The following SATL1 variants were observed in gnomAD, a reference collection of about 807,000 sequenced individuals.
The protein encoded by SATL1 is spermidine/spermine N(1)-acetyltransferase-like protein 1.
In SATL1, 47 loss-of-function variants were observed where a neutral mutation model predicts 51.8. The ratio of observed to expected loss-of-function variants is 0.91; its 90% confidence interval spans 0.72 to 1.16. The LOEUF (loss-of-function observed/expected upper bound fraction) is 1.16. SATL1 is among the 50% of genes most tolerant of loss of function. The pLI is 0.00. For missense variants in SATL1, 520 were observed against 526.4 expected, an observed-to-expected ratio of 0.99 and a Z score of 0.12; for synonymous variants, 176 against 182.4, an observed-to-expected ratio of 0.97 and a Z score of 0.28.
In SATL1 at chrX:85,108,123, G is replaced by A. The variant is rs757074166; in HGVS notation, c.846C>T (p.Ser282=). 5 of 1,211,676 alleles carry A rather than the reference G, an allele frequency of 4.1e-6. No individual in the cohort carries two copies. The Admixed American group carries it at 1.1e-4, about 26-fold the overall frequency. The change falls in exon 3 of 8, where the codon AGC becomes AGT. Residue 282 remains serine, a synonymous_variant. Transcript: ENST00000644105. ...NQMDMNQWSA[S]LYEMNQVDMK... ...TGTCCACTTGGTTCATTTCATATAG[G>A]CTTGCACTCCATTGGTTCATGTCCA...
In SATL1 at chrX:85,112,201, A is replaced by C. The variant is rs753190992; in HGVS notation, c.-312-2921T>G. ...CCCTGTCTGTATTAAAAATACAAAA[A>C]ATTAGCCAGGCTTGGTGGTGGGTGC... On this transcript the variant is annotated intron_variant, in intron 2 of 7. Coordinates refer to ENST00000644105, the MANE Select transcript of SATL1 (RefSeq NM_001367857.2). Among the ~76,000 whole-genome samples, 8 of 110,453 alleles carry C rather than the reference A, an allele frequency of 7.2e-5. No individual in the cohort carries two copies. In the East Asian group the frequency reaches 2.0e-3, roughly 28 times the overall value.
chrX:85,145,319 G>A (rs1926207837), intron 2 of SATL1, among the ~76,000 whole-genome samples: 1 of 111,415 alleles, frequency 9.0e-6, no homozygotes, highest in African/African-American at 3.3e-5. Context: ...TCTTTCTCTT[G>A]TATATTGTAA....
intron 2 of SATL1, among the ~76,000 whole-genome samples, chrX:85,112,933 C>T (rs1378451456): frequency 9.0e-6 from 1 of 111,587 alleles, no homozygotes; most frequent in Non-Finnish European, 1.9e-5. Flanking sequence ...TAACATTTTC[C>T]CCATCAAGAG....
At chrX:85,187,310 A>G (rs1185278917) in intron 2 of SATL1, among the ~76,000 whole-genome samples, 1 of 111,365 alleles carries the variant, frequency 9.0e-6, no homozygotes, top group East Asian at 2.8e-4. Context: ...GATGCCCTTT[A>G]TTTATTTTTT....
chrX:85,227,633 C>T (rs1459412689), intron 1 of SATL1, among the ~76,000 whole-genome samples: 1 of 92,071 alleles, frequency 1.1e-5, no homozygotes, highest in Non-Finnish European at 2.4e-5. Flanking sequence ...GGGATGCAAT[C>T]GCAAAATACA....
At chrX:85,227,153 T>A (rs751339928) in intron 1 of SATL1, among the ~76,000 whole-genome samples, 86 of 111,544 alleles carry the variant, frequency 7.7e-4, no homozygotes, top group African/African-American at 2.7e-3. Context: ...ACGAACCTCA[T>A]CTGTGCTCTT....
chrX:85,181,755 C>T, intron 2 of SATL1, among the ~76,000 whole-genome samples: 1 of 111,465 alleles, frequency 9.0e-6, no homozygotes, highest in Non-Finnish European at 1.9e-5. Flanking sequence ...GGAATGTGAG[C>T]CATCTCTGTC....
chrX:85,195,148 C>T (rs1418878733), intron 2 of SATL1, among the ~76,000 whole-genome samples: 1 of 110,803 alleles, frequency 9.0e-6, no homozygotes, highest in Non-Finnish European at 1.9e-5. Flanking sequence ...AGGAAAAAGG[C>T]CTTAGCTATA....
chrX:85,167,353 CTT>C (rs1360759184), intron 2 of SATL1, among the ~76,000 whole-genome samples: 6 of 108,928 alleles, frequency 5.5e-5, no homozygotes, highest in Non-Finnish European at 1.1e-4. Context: ...CCCTAAATAA[CTT>C]ATACATGTAA....
intron 1 of SATL1, among the ~76,000 whole-genome samples, chrX:85,225,919 T>C (rs1371641068): frequency 9.0e-6 from 1 of 110,524 alleles, no homozygotes; most frequent in Non-Finnish European, 1.9e-5. Flanking sequence ...ACTGGCCTCA[T>C]AGCTTTCTGC....
At chrX:85,198,955 C>T in intron 2 of SATL1, among the ~76,000 whole-genome samples, 1 of 109,386 alleles carries the variant, frequency 9.1e-6, no homozygotes, top group Non-Finnish European at 1.9e-5. Context: ...TCCTCTGCCT[C>T]AGCCTCCAAG....
At chrX:85,166,142 A>G (rs1395965297) in intron 2 of SATL1, among the ~76,000 whole-genome samples, 1 of 111,763 alleles carries the variant, frequency 8.9e-6, no homozygotes, top group Non-Finnish European at 1.9e-5. Flanking sequence ...TGGATCAAAG[A>G]CTTAAATCTA....
chrX:85,235,133 CT>C (rs1434243547), intron 1 of SATL1, among the ~76,000 whole-genome samples: 2 of 111,124 alleles, frequency 1.8e-5, no homozygotes, highest in African/African-American at 6.5e-5. Flanking sequence ...AAGAACGTTT[CT>C]TAATGATAAA....
At chrX:85,135,408 G>A (rs1925926691) in intron 2 of SATL1, among the ~76,000 whole-genome samples, 1 of 111,316 alleles carries the variant, frequency 9.0e-6, no homozygotes, top group Non-Finnish European at 1.9e-5. Context: ...AATAATGGGT[G>A]TGTTATACTG....
Position 85,113,387 on chromosome X carries a change from G to A in SATL1, c.-312-4107C>T, listed in dbSNP as rs755943120. Reference sequence around the variant, plus strand: ...ATGCCTGCTAAGAGTTAGGTGCATGGGGTTGCTAGCTGATTTCAATATGTG... The same window carrying A: ...ATGCCTGCTAAGAGTTAGGTGCATGAGGTTGCTAGCTGATTTCAATATGTG... On this transcript the variant is annotated intron_variant, in intron 2 of 7. Coordinates refer to ENST00000644105, the MANE Select transcript of SATL1 (RefSeq NM_001367857.2). 2.7e-5 allele frequency among the ~76,000 whole-genome samples: 3 copies of A among 111,307 alleles called. No homozygotes were observed. In the Admixed American group the frequency reaches 2.9e-4, roughly 11 times the overall value.
chrX:85,199,103 T>A (rs1490758447), intron 2 of SATL1, among the ~76,000 whole-genome samples: 1 of 110,361 alleles, frequency 9.1e-6, no homozygotes, highest in East Asian at 2.8e-4. Context: ...CCTCCCAAAG[T>A]GCTAGGATTA....
intron 2 of SATL1, among the ~76,000 whole-genome samples, chrX:85,156,866 TATAA>T (rs1254200732): frequency 2.3e-4 from 13 of 56,883 alleles, no homozygotes; most frequent in African/African-American, 9.5e-4. Context: ...TATATATATA[TATAA>T]AATATGTAAA....
chrX:85,162,115 A>G (rs1441559647), intron 2 of SATL1, among the ~76,000 whole-genome samples: 3 of 112,129 alleles, frequency 2.7e-5, no homozygotes, highest in African/African-American at 6.5e-5. Flanking sequence ...TTTGAAACTA[A>G]TGAGAACAAA....
At chrX:85,208,838 T>C (rs770535420) in intron 2 of SATL1, 9 of 111,698 alleles carry the variant, frequency 8.1e-5, no homozygotes, top group African/African-American at 2.9e-4. Flanking sequence ...TTTCTCCCAT[T>C]CTGTAGGTTG....
Sources: allele counts gnomAD v4.1 joint callset (sites outside exome capture counted in the v4.1 genomes callset), GRCh38; gene constraint gnomAD v4.1.1; transcripts MANE v1.5; gene names NCBI Gene and HGNC (gene_info 2026-07-23, HGNC 2026-07-21).